The following BMPER variants were observed in gnomAD, a reference collection of about 807,000 sequenced individuals.
BMPER encodes BMP binding endothelial regulator, also known as BMP-binding endothelial regulator protein.
In BMPER, 45 loss-of-function variants were observed where a neutral mutation model predicts 87.3. The ratio of observed to expected loss-of-function variants is 0.52; its 90% CI spans 0.41 to 0.66. The LOEUF is 0.66. BMPER is among the 30% of genes least tolerant of loss of function. BMPER has a pLI of 0.00. For synonymous variants in BMPER, 326 were observed against 316.2 expected (o/e 1.03, Z -0.33); for missense variants, 784 against 867.5 (o/e 0.90, Z 1.21).
At chr7:33,987,675 CT>C (rs915992825) in intron 6 of BMPER, among the ~76,000 whole-genome samples, 111 of 148,036 alleles carry the variant, frequency 7.5e-4, no homozygotes, top group African/African-American at 1.2e-3. Context: ...AATCCTACTA[CT>C]TTTTTTTTTT....
intron 6 of BMPER, among the ~76,000 whole-genome samples, chr7:34,038,721 G>T (rs1787752576): frequency 6.6e-6 from 1 of 152,150 alleles, no homozygotes; most frequent in Admixed American, 6.5e-5. Flanking sequence ...CAGCCCCATA[G>T]ACCCTTTCTC....
intron 2 of BMPER, among the ~76,000 whole-genome samples, chr7:33,913,728 ATT>A (rs1784019582): frequency 6.6e-6 from 1 of 152,218 alleles, no homozygotes; most frequent in Admixed American, 6.5e-5. Context: ...CAGTGGAGTG[ATT>A]GGTAGCACAG....
chr7:34,082,577 C>G (rs1049399130), intron 12 of BMPER, among the ~76,000 whole-genome samples: 1 of 152,032 alleles, frequency 6.6e-6, no homozygotes, highest in African/African-American at 2.4e-5. Flanking sequence ...TATTCTCTTA[C>G]TTTGGGGATC....
intron 13 of BMPER, among the ~76,000 whole-genome samples, chr7:34,108,552 G>A (rs1206259643): frequency 6.6e-6 from 1 of 152,142 alleles, no homozygotes; most frequent in African/African-American, 2.4e-5. Flanking sequence ...GTTGCTGTTG[G>A]CTCTCTTATT....
chr7:33,948,149 G>A (rs763405761), intron 3 of BMPER, among the ~76,000 whole-genome samples: 13 of 152,080 alleles, frequency 8.5e-5, no homozygotes, highest in Admixed American at 3.3e-4. Context: ...TTTTAGACAT[G>A]GCCAAATTCT....
intron 6 of BMPER, among the ~76,000 whole-genome samples, chr7:34,007,346 C>A (rs1307383196): frequency 6.6e-6 from 1 of 151,940 alleles, no homozygotes; most frequent in Non-Finnish European, 1.5e-5. Context: ...TAAGGGATTT[C>A]ACATGCACAT....
At chr7:33,958,848 C>T (rs1308022178) in intron 3 of BMPER, among the ~76,000 whole-genome samples, 3 of 152,104 alleles carry the variant, frequency 2.0e-5, no homozygotes, top group Non-Finnish European at 4.4e-5. Flanking sequence ...GTGTCGCCAC[C>T]CAAATCTCAC....
intron 6 of BMPER, among the ~76,000 whole-genome samples, chr7:33,984,337 G>A (rs547031415): frequency 1.3e-5 from 2 of 152,096 alleles, no homozygotes; most frequent in East Asian, 1.9e-4. Context: ...ATGGTGGTGC[G>A]TGCCTGTAAT....
intron 6 of BMPER, among the ~76,000 whole-genome samples, chr7:34,003,132 C>G (rs1786630034): frequency 3.3e-5 from 5 of 151,484 alleles, no homozygotes; most frequent in African/African-American, 1.2e-4. Context: ...TAGAAATTTT[C>G]TAGTATACTA....
chr7:33,948,397 CTT>C (rs1225582876), intron 3 of BMPER, among the ~76,000 whole-genome samples: 1 of 152,120 alleles, frequency 6.6e-6, no homozygotes, highest in African/African-American at 2.4e-5. Flanking sequence ...GATGGGAAAA[CTT>C]ATATGATGAG....
chr7:33,996,307 A>T (rs1276417195), intron 6 of BMPER, among the ~76,000 whole-genome samples: 1 of 152,104 alleles, frequency 6.6e-6, no homozygotes, highest in Non-Finnish European at 1.5e-5. Context: ...AGCATCTACT[A>T]GGTGACTCCT....
intron 13 of BMPER, among the ~76,000 whole-genome samples, chr7:34,090,982 T>C (rs941249003): frequency 2.0e-5 from 3 of 152,204 alleles, no homozygotes; most frequent in Admixed American, 1.3e-4. Flanking sequence ...CTGTAAGGAA[T>C]TGAAGTCATG....
chr7:34,132,518 G>T (rs1401185268), intron 13 of BMPER, among the ~76,000 whole-genome samples: 1 of 152,196 alleles, frequency 6.6e-6, no homozygotes, highest in Admixed American at 6.5e-5. Flanking sequence ...CAGCCCACAG[G>T]TTGCACACAG....
chr7:33,941,274 A>G (rs1585659913), intron 3 of BMPER, among the ~76,000 whole-genome samples: 1 of 147,168 alleles, frequency 6.8e-6, no homozygotes, highest in Non-Finnish European at 1.5e-5. Context: ...TTAATACACA[A>G]TGGGGTCTCC....
intron 13 of BMPER, among the ~76,000 whole-genome samples, chr7:34,087,839 A>C (rs890495167): frequency 3.3e-5 from 5 of 152,220 alleles, no homozygotes; most frequent in African/African-American, 1.2e-4. Flanking sequence ...TGAAAACAAA[A>C]ATTGGAGAGA....
At chr7:34,079,657 T>A (rs1480150535) in intron 12 of BMPER, among the ~76,000 whole-genome samples, 4 of 152,162 alleles carry the variant, frequency 2.6e-5, no homozygotes, top group Non-Finnish European at 5.9e-5. Flanking sequence ...AGCGGAGTCC[T>A]CAAAAGTAAA....
intron 2 of BMPER, among the ~76,000 whole-genome samples, chr7:33,909,120 G>A (rs1783891117): frequency 6.6e-6 from 1 of 151,926 alleles, no homozygotes; most frequent in Non-Finnish European, 1.5e-5. Context: ...TTGCTTGTAG[G>A]GCCTCATCTA....
intron 7 of BMPER, among the ~76,000 whole-genome samples, chr7:34,047,260 T>G (rs1048920015): frequency 2.6e-5 from 4 of 152,168 alleles, no homozygotes; most frequent in Admixed American, 2.6e-4. Context: ...TACCTTCTTC[T>G]TCTTCTTCTT....
intron 9 of BMPER, among the ~76,000 whole-genome samples, chr7:34,057,831 A>AACACACACAC (rs113240345): frequency 2.0e-5 from 3 of 148,896 alleles, no homozygotes; most frequent in Non-Finnish European, 3.0e-5. Context: ...CAGGAGGGGG[A>AACACACACAC]ACACACACAC....
Sources: allele counts gnomAD v4.1 joint callset (sites outside exome capture counted in the v4.1 genomes callset), GRCh38; gene constraint gnomAD v4.1.1; transcripts MANE v1.5; gene names NCBI Gene and HGNC (gene_info 2026-07-23, HGNC 2026-07-21).